Variants in NRG3 observed in about 807,000 individuals in gnomAD.
NRG3 encodes the protein pro-neuregulin-3, membrane-bound isoform.
NRG3 carries 31 observed loss-of-function variants against 66.9 expected under a neutral mutation model. The observed-to-expected ratio is 0.46, with a 90% confidence interval of 0.35 to 0.63. The LOEUF is 0.63. Ranked by LOEUF, NRG3 falls within the 20% of genes least tolerant of loss-of-function variation. The probability of loss-of-function intolerance (pLI) is 0.00; values close to 1 mark genes in which losing one functional copy is unlikely to be tolerated. For missense variants in NRG3, 910 were observed against 878.9 expected, an observed-to-expected ratio of 1.04 and a Z score of -0.45; for synonymous variants, 393 against 359.4, an observed-to-expected ratio of 1.09 and a Z score of -1.06.
At chr10:82,469,260 A>G (rs1299952134) in intron 2 of NRG3, among the ~76,000 whole-genome samples, 1 of 151,700 alleles carries the variant, frequency 6.6e-6, no homozygotes, top group Non-Finnish European at 1.5e-5. Flanking sequence ...TTTTCCTGCT[A>G]TGAACACTTA....
intron 4 of NRG3, among the ~76,000 whole-genome samples, chr10:82,893,540 T>C (rs1244542514): frequency 3.9e-5 from 6 of 152,032 alleles, no homozygotes; most frequent in African/African-American, 1.2e-4. Flanking sequence ...CTACAAAAAT[T>C]TGCTGGGTGT....
intron 2 of NRG3, among the ~76,000 whole-genome samples, chr10:82,434,014 C>T (rs1290040113): frequency 2.6e-5 from 4 of 152,100 alleles, no homozygotes; most frequent in African/African-American, 9.7e-5. Flanking sequence ...ATGGGAATAA[C>T]ATTGAATCTA....
intron 4 of NRG3, among the ~76,000 whole-genome samples, chr10:82,892,368 G>C (rs79318538): frequency 1.3e-5 from 2 of 151,990 alleles, no homozygotes; most frequent in Non-Finnish European, 2.9e-5. Context: ...ACACATAAAA[G>C]GATGTTAGAA....
At chr10:82,081,172 C>G (rs1419265436) in intron 1 of NRG3, among the ~76,000 whole-genome samples, 1 of 152,122 alleles carries the variant, frequency 6.6e-6, no homozygotes, top group East Asian at 1.9e-4. Context: ...TCTGACATCC[C>G]ACGGTTTAAA....
chr10:82,341,311 G>A (rs866538213), intron 1 of NRG3, among the ~76,000 whole-genome samples: 8 of 152,006 alleles, frequency 5.3e-5, no homozygotes, highest in Non-Finnish European at 8.8e-5. Flanking sequence ...AACTCAGCAC[G>A]GTTGGAAATG....
chr10:82,738,582 A>G lies in NRG3; in HGVS notation c.959A>G (p.Lys320Arg). 1 of 1,614,030 alleles carries G rather than the reference A, an allele frequency of 6.2e-7. No individual in the cohort carries two copies. Among genetic ancestry groups the G allele is most frequent in the Non-Finnish European group, 8.5e-7 (1 of 1,179,904 alleles). Residue 320 changes from lysine to arginine, a missense_variant, in exon 3 of 9, where the codon AAA becomes AGA. By Grantham distance (26) the Lys-to-Arg change is conservative. Coordinates refer to ENST00000372141, the MANE Select transcript of NRG3 (RefSeq NM_001010848.4). Reference protein sequence around the residue: ...LTGSHKHCRCKEGYQGVRCDQ... With the variant: ...LTGSHKHCRCREGYQGVRCDQ... Reference sequence around the variant, plus strand: ...CATTTATCCCCTTTTCTCAGGTGCAAAGAAGGCTACCAAGGAGTCCGTTGT... The same window carrying G: ...CATTTATCCCCTTTTCTCAGGTGCAGAGAAGGCTACCAAGGAGTCCGTTGT...
intron 1 of NRG3, among the ~76,000 whole-genome samples, chr10:82,346,409 T>G (rs2083026211): frequency 7.2e-6 from 1 of 139,562 alleles, no homozygotes; most frequent in African/African-American, 3.0e-5. Context: ...ATCCCAGGGA[T>G]GAAGCCCACT....
chr10:82,572,769 T>C (rs2045818040), intron 2 of NRG3, among the ~76,000 whole-genome samples: 2 of 151,904 alleles, frequency 1.3e-5, no homozygotes, highest in Middle Eastern at 6.8e-3. Flanking sequence ...ACCAGTACTT[T>C]AGTAAGAGTG....
At chr10:82,804,368 A>AATAC (rs2061186338) in intron 3 of NRG3, among the ~76,000 whole-genome samples, 1 of 152,198 alleles carries the variant, frequency 6.6e-6, no homozygotes, top group South Asian at 2.1e-4. Context: ...TTTTGGCTAC[A>AATAC]ATGCATGATA....
At chr10:82,365,582 A>G (rs1346784409) in intron 2 of NRG3, among the ~76,000 whole-genome samples, 1 of 152,212 alleles carries the variant, frequency 6.6e-6, no homozygotes, top group Non-Finnish European at 1.5e-5. Context: ...CCAACAACAC[A>G]ATGAATGTTA....
intron 2 of NRG3, among the ~76,000 whole-genome samples, chr10:82,582,120 T>A (rs1252871770): frequency 1.3e-5 from 2 of 152,100 alleles, no homozygotes; most frequent in Non-Finnish European, 2.9e-5. Flanking sequence ...AATGGATTTG[T>A]TTGAATATTT....
chr10:82,367,480 AAAG>A (rs1202858675), intron 2 of NRG3, among the ~76,000 whole-genome samples: 6 of 152,180 alleles, frequency 3.9e-5, no homozygotes, highest in African/African-American at 9.7e-5. Flanking sequence ...CTGATTATTT[AAAG>A]AAGATCTCAC....
chr10:82,862,466 A>G (rs1591760950), intron 3 of NRG3, among the ~76,000 whole-genome samples: 1 of 152,308 alleles, frequency 6.6e-6, no homozygotes, highest in East Asian at 1.9e-4. Flanking sequence ...GATACATATG[A>G]TATGTGTTAG....
At position 82,738,790 on chromosome 10, in the gene NRG3, T is replaced by C. The variant is rs1406358993; in HGVS notation, c.1027+140T>C. ...CAAGGACAGAAGCTGATGGCAGATG[T>C]TGATGTTCAAAGCATCCTCAGAGCT... On this transcript the variant is annotated intron_variant, in intron 3 of 8. Transcript: ENST00000372141. The C allele has an allele frequency of 2.2e-5, 16 of 733,058 alleles. No individual in the cohort carries two copies. The South Asian group carries it at 2.4e-4, about 11-fold the overall frequency. 45.4% of individuals were successfully genotyped at this position (733,058 alleles called of 1,614,324 possible). A position where few individuals can be genotyped will look rare whatever the true frequency, so the allele number is the denominator to read the frequency against.
intron 2 of NRG3, among the ~76,000 whole-genome samples, chr10:82,430,393 G>A (rs1444630185): frequency 6.6e-6 from 1 of 151,988 alleles, no homozygotes; most frequent in East Asian, 1.9e-4. Context: ...ACATAGCTGG[G>A]ACTACAGGCA....
At chr10:81,991,213 T>A (rs1281264970) in intron 1 of NRG3, among the ~76,000 whole-genome samples, 2 of 152,196 alleles carry the variant, frequency 1.3e-5, no homozygotes, top group African/African-American at 2.4e-5. Flanking sequence ...TTTCCAAGAA[T>A]CATATTTTGC....
chr10:82,653,144 CT>C, intron 2 of NRG3, among the ~76,000 whole-genome samples: 1 of 152,280 alleles, frequency 6.6e-6, no homozygotes, highest in South Asian at 2.1e-4. Flanking sequence ...AAAGCTGAAA[CT>C]TACATGTTTC....
chr10:82,707,421 C>T (rs2256796), intron 2 of NRG3, among the ~76,000 whole-genome samples: 123,501 of 151,782 alleles, frequency 0.81, 51,912 homozygotes, highest in East Asian at 1. Context: ...AGTGTAGTGG[C>T]ACAAACAACC....
chr10:82,232,633 AT>A, intron 1 of NRG3: 1 of 627,164 alleles, frequency 1.6e-6, no homozygotes, highest in Non-Finnish European at 2.9e-6. Context: ...AAATATTATG[AT>A]TTGTCAGAAA....
Sources: gnomAD v4.1 joint callset for allele counts (sites outside exome capture counted in the v4.1 genomes callset) on GRCh38, gnomAD v4.1.1 for gene constraint, MANE v1.5 for transcripts, NCBI Gene and HGNC (gene_info 2026-07-23, HGNC 2026-07-21) for gene names.